Variants in CDH13 observed in about 807,000 individuals in gnomAD.
CDH13 encodes cadherin 13.
A neutral mutation model predicts 63.8 loss-of-function variants in CDH13; 24 were observed. The ratio of observed to expected loss-of-function variants is 0.38; its 90% CI spans 0.27 to 0.53. The LOEUF is 0.53. Among genes scored for constraint, CDH13 ranks in the 20% least tolerant of loss-of-function variants. The pLI, the probability that CDH13 is intolerant of heterozygous loss-of-function variation, is 0.85. For missense variants in CDH13, 1,049 were observed against 903.1 expected (o/e 1.16, Z -2.07); for synonymous variants, 503 against 355.3 (o/e 1.42, Z -4.67).
At chr16:83,373,146 A>G (rs1444511921) in intron 6 of CDH13, among the ~76,000 whole-genome samples, 2 of 152,212 alleles carry the variant, frequency 1.3e-5, no homozygotes, top group African/African-American at 4.8e-5. Context: ...AAATGTTTAA[A>G]CTATATTGAA....
intron 6 of CDH13, among the ~76,000 whole-genome samples, chr16:83,448,845 C>T (rs2072791411): frequency 6.6e-6 from 1 of 152,094 alleles, no homozygotes; most frequent in South Asian, 2.1e-4. Context: ...GCAAAGACTC[C>T]AAGAAGTTTC....
intron 3 of CDH13, among the ~76,000 whole-genome samples, chr16:83,087,108 T>C (rs1446757028): frequency 6.6e-6 from 1 of 152,138 alleles, no homozygotes; most frequent in Admixed American, 6.5e-5. Flanking sequence ...ATGAACCAAA[T>C]AGTTGACATA....
intron 8 of CDH13, among the ~76,000 whole-genome samples, chr16:83,645,143 A>G (rs1164357668): frequency 6.6e-6 from 1 of 152,218 alleles, no homozygotes; most frequent in Non-Finnish European, 1.5e-5. Context: ...CATGGAACCA[A>G]CCTAAGTGTA....
chr16:83,646,712 A>AAAAAAAAAAAAAACAC (rs1168012793), intron 8 of CDH13, among the ~76,000 whole-genome samples: 2 of 80,490 alleles, frequency 2.5e-5, no homozygotes, highest in Admixed American at 1.7e-4. Context: ...AAAAAAAAAA[A>AAAAAAAAAAAAAACAC]ACACACACAC....
chr16:83,132,060 G>A (rs1368712420), intron 4 of CDH13, among the ~76,000 whole-genome samples: 1 of 152,156 alleles, frequency 6.6e-6, no homozygotes, highest in Non-Finnish European at 1.5e-5. Flanking sequence ...TGAGATTTAT[G>A]CCCACCTATG....
intron 4 of CDH13, among the ~76,000 whole-genome samples, chr16:83,127,734 C>T (rs1405563099): frequency 2.6e-5 from 4 of 152,012 alleles, no homozygotes; most frequent in Non-Finnish European, 5.9e-5. Context: ...GTCAAACAAA[C>T]ACACAAACAA....
chr16:83,311,483 G>A (rs190573790), intron 5 of CDH13, among the ~76,000 whole-genome samples: 38 of 152,170 alleles, frequency 2.5e-4, no homozygotes, highest in Non-Finnish European at 4.4e-4. Context: ...AATTCCCAAA[G>A]GCATATGTAC....
At chr16:83,244,219 C>T (rs745616714) in intron 5 of CDH13, among the ~76,000 whole-genome samples, 2 of 151,976 alleles carry the variant, frequency 1.3e-5, no homozygotes, top group Non-Finnish European at 2.9e-5. Flanking sequence ...TTGTGAGCTC[C>T]AAGAGGGCTG....
At chr16:82,965,731 G>C (rs1156795989) in intron 2 of CDH13, among the ~76,000 whole-genome samples, 3 of 152,152 alleles carry the variant, frequency 2.0e-5, no homozygotes, top group African/African-American at 7.2e-5. Flanking sequence ...GACCTCAAGT[G>C]ATCTGCCAGC....
At chr16:82,965,770 G>A (rs1024494259) in intron 2 of CDH13, among the ~76,000 whole-genome samples, 2 of 152,204 alleles carry the variant, frequency 1.3e-5, no homozygotes, top group African/African-American at 2.4e-5. Context: ...TGGGATTACA[G>A]GCATGAGCCA....
intron 1 of CDH13, among the ~76,000 whole-genome samples, chr16:82,806,075 G>A (rs1210651385): frequency 6.6e-6 from 1 of 152,106 alleles, no homozygotes; most frequent in Non-Finnish European, 1.5e-5. Context: ...AACCCATCTG[G>A]TCTTCATTTG....
chr16:82,692,499 G>A (rs1033625964), intron 1 of CDH13, among the ~76,000 whole-genome samples: 1 of 152,060 alleles, frequency 6.6e-6, no homozygotes, highest in Non-Finnish European at 1.5e-5. Flanking sequence ...CTCATGAGAT[G>A]TATTCACTAC....
chr16:82,800,113 A>T (rs571615908), intron 1 of CDH13, among the ~76,000 whole-genome samples: 3 of 152,124 alleles, frequency 2.0e-5, no homozygotes, highest in African/African-American at 7.2e-5. Flanking sequence ...TAACTATTGC[A>T]TATTTGTCTG....
At chr16:82,987,528 A>G (rs1911095481) in intron 2 of CDH13, among the ~76,000 whole-genome samples, 1 of 151,886 alleles carries the variant, frequency 6.6e-6, no homozygotes, top group Non-Finnish European at 1.5e-5. Flanking sequence ...AGGCCCCTAA[A>G]ACCACGCTCA....
chr16:82,987,129 C>T (rs1268023136), intron 2 of CDH13, among the ~76,000 whole-genome samples: 2 of 152,118 alleles, frequency 1.3e-5, no homozygotes, highest in Non-Finnish European at 1.5e-5. Context: ...CACTGGTCAC[C>T]TTGCCGTTTT....
chr16:83,321,295 C>T (rs555275581), intron 5 of CDH13, among the ~76,000 whole-genome samples: 1 of 152,270 alleles, frequency 6.6e-6, no homozygotes, highest in South Asian at 2.1e-4. Flanking sequence ...CAGAGCTGGA[C>T]AGAAAGCTCG....
At chr16:83,784,561 G>A (rs1483545646) in intron 13 of CDH13, among the ~76,000 whole-genome samples, 1 of 151,732 alleles carries the variant, frequency 6.6e-6, no homozygotes, top group East Asian at 1.9e-4. Flanking sequence ...GAACCCGGGA[G>A]GCGGAGGTTG....
intron 4 of CDH13, among the ~76,000 whole-genome samples, chr16:83,127,728 AACAAACAC>A (rs1338131895): frequency 1.3e-5 from 2 of 152,180 alleles, no homozygotes; most frequent in African/African-American, 4.8e-5. Flanking sequence ...CTCTGTGTCA[AACAAACAC>A]ACAAACAAAA....
At chr16:82,682,335 T>C (rs1373057261) in intron 1 of CDH13, among the ~76,000 whole-genome samples, 1 of 152,170 alleles carries the variant, frequency 6.6e-6, no homozygotes, top group Non-Finnish European at 1.5e-5. Context: ...TTCTGGTTCT[T>C]CTAATGCAGA....
Sources: allele counts gnomAD v4.1 joint callset (sites outside exome capture counted in the v4.1 genomes callset), GRCh38; gene constraint gnomAD v4.1.1; transcripts MANE v1.5; gene names NCBI Gene and HGNC (gene_info 2026-07-23, HGNC 2026-07-21).